Variants in EEA1 observed in about 807,000 individuals in gnomAD.
EEA1 encodes early endosome antigen 1, 162kD.
A neutral mutation model predicts 209.2 loss-of-function variants in EEA1; 111 were observed. The ratio of observed to expected loss-of-function variants is 0.53; its 90% CI spans 0.45 to 0.62. EEA1 has a LOEUF of 0.62. Among genes scored for constraint, EEA1 ranks in the 20% least tolerant of loss-of-function variants. The pLI is 0.00. For missense variants in EEA1, 1,343 were observed against 1,530.8 expected (o/e 0.88, Z 2.05); for synonymous variants, 536 against 540.6 (o/e 0.99, Z 0.12).
chr12:92,816,438 T>C (rs1253421393), intron 14 of EEA1, 38 bp from the exon 15 acceptor site: 2 of 1,573,414 alleles, frequency 1.3e-6, no homozygotes, highest in African/African-American at 2.7e-5. Context: ...AGTTCACAAA[T>C]GACATAACAA....
chr12:92,804,564 T>C (rs1245147025), intron 18 of EEA1, among the ~76,000 whole-genome samples: 3 of 105,994 alleles, frequency 2.8e-5, no homozygotes, highest in South Asian at 5.6e-4. Context: ...AGAGTGAGAC[T>C]CTGTCTCAAA....
chr12:92,856,897 A>C (rs1877907816), intron 5 of EEA1, among the ~76,000 whole-genome samples: 1 of 149,824 alleles, frequency 6.7e-6, no homozygotes, highest in Non-Finnish European at 1.5e-5. Flanking sequence ...TCAGCCTCTC[A>C]AGTAGCTGGG....
chr12:92,926,776 G>A (rs756391244), intron 1 of EEA1, among the ~76,000 whole-genome samples: 2 of 152,080 alleles, frequency 1.3e-5, no homozygotes, highest in Non-Finnish European at 2.9e-5. Context: ...TGTTCCCTCT[G>A]CCTGACATGC....
intron 1 of EEA1, among the ~76,000 whole-genome samples, chr12:92,914,947 A>G (rs1325045040): frequency 6.6e-6 from 1 of 151,464 alleles, no homozygotes. Context: ...TATAGGTGTG[A>G]GCCACCGCAC....
In EEA1 at chr12:92,896,866, C is replaced by T. The variant is rs1393098472; in HGVS notation, c.25-5145G>A. ...AGCAGCTATCAGTATAGAGGCAAAA[C>T]CTTCCACAAGCAAAAAGATTATGAC... is the stretch of plus-strand genomic sequence containing the variant. On this transcript the variant is annotated intron_variant, in intron 1 of 28. Transcript: ENST00000322349. Among the ~76,000 whole-genome samples, 4 of 152,132 alleles carry T rather than the reference C, an allele frequency of 2.6e-5. No homozygotes were observed. In the East Asian group the frequency reaches 5.8e-4, roughly 22 times the overall value.
In EEA1 at chr12:92,853,749, A is replaced by C. The variant is rs1010863161; in HGVS notation, c.406+166T>G. 3.9e-5 allele frequency among the ~76,000 whole-genome samples: 6 copies of C among 152,342 alleles called. 1 individual carries two copies. In the South Asian group the frequency reaches 1.2e-3, roughly 32 times the overall value. The stretch of plus-strand genomic sequence containing the variant: ...GTTAACTGATTAAATTATGAAGTTC[A>C]CATGTAACTCTCTACACCTAGAATA... On this transcript the variant is annotated intron_variant, in intron 6 of 28. Coordinates refer to ENST00000322349, the MANE Select transcript of EEA1 (RefSeq NM_003566.4).
chr12:92,928,449 A>G (rs1003844376), intron 1 of EEA1, among the ~76,000 whole-genome samples: 1 of 152,234 alleles, frequency 6.6e-6, no homozygotes, highest in Non-Finnish European at 1.5e-5. Flanking sequence ...AGTTTCCAAC[A>G]GTGAGTAACA....
At chr12:92,869,586 A>G (rs573906276) in intron 2 of EEA1, among the ~76,000 whole-genome samples, 2 of 150,706 alleles carry the variant, frequency 1.3e-5, no homozygotes, top group African/African-American at 4.9e-5. Context: ...TCTACTTAAA[A>G]AAAAAAAAAA....
rs1204736335 is a variant in EEA1 at position 92,801,435 on chromosome 12, C to G, written c.2772+165G>C. Among the ~76,000 whole-genome samples the G allele has an allele frequency of 2.6e-5, 4 of 151,200 alleles. No individual in the cohort carries two copies. In the East Asian group the frequency reaches 7.8e-4, roughly 29 times the overall value. ...TTTGTTACATTTCAGAGAAATGAAC[C>G]TATGACCTAAATATCAGTATGAAAA... On this transcript the variant is annotated intron_variant, in intron 20 of 28. Coordinates refer to ENST00000322349, the MANE Select transcript of EEA1 (RefSeq NM_003566.4).
chr12:92,847,293 T>C (rs996399553), intron 9 of EEA1, among the ~76,000 whole-genome samples: 5 of 152,178 alleles, frequency 3.3e-5, no homozygotes, highest in African/African-American at 4.8e-5. Flanking sequence ...TTCCTTTGTA[T>C]GTGTTTTGTT....
At chr12:92,798,777 A>T in intron 21 of EEA1, 115 bp downstream of exon 21, 1 of 699,582 alleles carries the variant, frequency 1.4e-6, no homozygotes, top group East Asian at 3.0e-5. Context: ...TTAGAAAAAA[A>T]TTAGCTTATG....
chr12:92,806,161 A>G (rs1284294751), intron 18 of EEA1, among the ~76,000 whole-genome samples: 1 of 152,224 alleles, frequency 6.6e-6, no homozygotes, highest in African/African-American at 2.4e-5. Flanking sequence ...AATAAGGTCT[A>G]AAGATGGAAA....
chr12:92,793,944 C>G (rs1473863682), intron 21 of EEA1, among the ~76,000 whole-genome samples: 1 of 152,126 alleles, frequency 6.6e-6, no homozygotes, highest in Non-Finnish European at 1.5e-5. Context: ...GAACAGGCAA[C>G]CTACAGAATG....
intron 22 of EEA1, among the ~76,000 whole-genome samples, chr12:92,786,572 C>G (rs1283630198): frequency 2.0e-5 from 3 of 152,066 alleles, no homozygotes; most frequent in Admixed American, 2.0e-4. Flanking sequence ...TTTGTTTCTT[C>G]TCTCTCTCCC....
intron 9 of EEA1, among the ~76,000 whole-genome samples, chr12:92,849,719 A>C (rs2136707536): frequency 6.6e-6 from 1 of 152,308 alleles, no homozygotes; most frequent in Middle Eastern, 3.4e-3. Context: ...ATTTTTAAAA[A>C]TGAATTAGAC....
At chr12:92,890,249 T>TA (rs1202251149) in intron 2 of EEA1, among the ~76,000 whole-genome samples, 13 of 152,014 alleles carry the variant, frequency 8.6e-5, no homozygotes, top group African/African-American at 3.1e-4. Context: ...GAAGTAGAGG[T>TA]AAAAAGTGAA....
intron 3 of EEA1, chr12:92,857,966 C>G: frequency 3.8e-6 from 1 of 264,882 alleles, no homozygotes; most frequent in South Asian, 5.5e-5. Flanking sequence ...CCATTGGTTA[C>G]GCCCTGATAC....
intron 11 of EEA1, among the ~76,000 whole-genome samples, chr12:92,829,581 C>A (rs376507950): frequency 6.6e-6 from 1 of 151,810 alleles, no homozygotes; most frequent in East Asian, 1.9e-4. Context: ...GAGTTCGAGA[C>A]CAGCCTGGGC....
At chr12:92,799,681 G>T (rs527773203) in intron 20 of EEA1, among the ~76,000 whole-genome samples, 1 of 152,174 alleles carries the variant, frequency 6.6e-6, no homozygotes, top group East Asian at 1.9e-4. Context: ...CAGCTACTCG[G>T]GAGGTTGAGG....
Sources: allele counts gnomAD v4.1 joint callset (sites outside exome capture counted in the v4.1 genomes callset), GRCh38; gene constraint gnomAD v4.1.1; transcripts MANE v1.5; gene names NCBI Gene and HGNC (gene_info 2026-07-23, HGNC 2026-07-21).